PAWR: variants seen among roughly 807,000 people sequenced by gnomAD.
PAWR encodes pro-apoptotic WT1 regulator.
Under a neutral mutation model 32.0 loss-of-function variants are expected in PAWR, and 23 were observed. The observed-to-expected ratio is 0.72, with a 90% CI of 0.52 to 1.02. PAWR has a LOEUF of 1.02. Among genes scored for constraint, PAWR ranks in the 50% least tolerant of loss-of-function variants. PAWR has a pLI of 0.00. For missense variants in PAWR, 457 were observed against 437.7 expected (o/e 1.04, Z -0.39); for synonymous variants, 226 against 187.1 (o/e 1.21, Z -1.70).
At chr12:79,647,693 T>C (rs1463500400) in intron 2 of PAWR, among the ~76,000 whole-genome samples, 1 of 152,162 alleles carries the variant, frequency 6.6e-6, no homozygotes, top group East Asian at 1.9e-4. Context: ...AGATTAAAAA[T>C]CTAAGATTCA....
chr12:79,664,020 C>A (rs1190951744), intron 2 of PAWR, among the ~76,000 whole-genome samples: 2 of 151,934 alleles, frequency 1.3e-5, no homozygotes, highest in Non-Finnish European at 2.9e-5. Flanking sequence ...TGCCAATGTG[C>A]CAATGGGAGA....
chr12:79,625,904 C>T (rs1875279504), intron 2 of PAWR, among the ~76,000 whole-genome samples: 1 of 151,714 alleles, frequency 6.6e-6, no homozygotes, highest in South Asian at 2.1e-4. Context: ...ATGGGCCGGG[C>T]ACAGTGGTTC....
chr12:79,632,344 TATATATATATATA>T (rs1875727240), intron 2 of PAWR, among the ~76,000 whole-genome samples: 6 of 63,934 alleles, frequency 9.4e-5, no homozygotes, highest in South Asian at 4.4e-4. Flanking sequence ...TATATATATA[TATATATATATATA>T]TATATTTTTT....
In PAWR at chr12:79,621,159, G is replaced by A. The variant is rs1329211453; in HGVS notation, c.565C>T (p.Arg189Ter). Residue 189 changes from arginine to a stop codon, truncating the protein, a stop_gained, in exon 3 of 7, where the codon CGA becomes TGA. Coordinates refer to ENST00000328827, the MANE Select transcript of PAWR (RefSeq NM_002583.4). LOFTEE classifies it high-confidence loss of function. ...DDEAGQKERK[R>*]EDAITQQNTI... ...TTCTGTTGTGTAATTGCATCTTCTC[G>A]TTTCCGCTCTTTCTGCCCTGCTTCA... The A allele has an allele frequency of 1.2e-6, 2 of 1,611,022 alleles. No homozygotes were observed. The highest frequency in any genetic ancestry group is 1.7e-6 in the Non-Finnish European group (2 of 1,178,510).
intron 2 of PAWR, among the ~76,000 whole-genome samples, chr12:79,671,071 T>G (rs933675594): frequency 3.4e-5 from 5 of 149,132 alleles, no homozygotes; most frequent in African/African-American, 1.2e-4. Flanking sequence ...GGAGAATTGC[T>G]TAAGCCTAGG....
intron 2 of PAWR, among the ~76,000 whole-genome samples, chr12:79,623,700 G>A (rs1261330666): frequency 1.3e-5 from 2 of 151,990 alleles, no homozygotes; most frequent in Non-Finnish European, 2.9e-5. Flanking sequence ...GGTGTCAACA[G>A]TCTCTTAACA....
chr12:79,593,187 A>G (rs1308210913), intron 6 of PAWR, among the ~76,000 whole-genome samples: 3 of 152,006 alleles, frequency 2.0e-5, no homozygotes, highest in Admixed American at 6.6e-5. Context: ...TGGGGATAAC[A>G]CTCTGGAGAG....
chr12:79,611,881 A>G lies in PAWR; in HGVS notation c.683+1694T>C, dbSNP rs76860336. On this transcript the variant is annotated intron_variant, in intron 4 of 6. Transcript: ENST00000328827. Reference sequence around the variant, plus strand: ...ATTTAACACAATGACATGTAAATAAAGCTTTTGATAGGATTTATAAAATTA... The same window carrying G: ...ATTTAACACAATGACATGTAAATAAGGCTTTTGATAGGATTTATAAAATTA... Among the ~76,000 whole-genome samples, 1,508 of 152,246 alleles carry G rather than the reference A, an allele frequency of 9.9e-3. 17 individuals are homozygous for G. The highest frequency in any genetic ancestry group is 0.034 in the African/African-American group (1,432 of 41,566).
chr12:79,667,430 A>AT (rs1050072033), intron 2 of PAWR, among the ~76,000 whole-genome samples: 1 of 152,242 alleles, frequency 6.6e-6, no homozygotes, highest in Non-Finnish European at 1.5e-5. Flanking sequence ...ACAAGATTAC[A>AT]TTAAACAAGA....
chr12:79,652,042 T>C (rs1271106109), intron 2 of PAWR, among the ~76,000 whole-genome samples: 1 of 151,458 alleles, frequency 6.6e-6, no homozygotes, highest in East Asian at 1.9e-4. Flanking sequence ...GTACCTAGAG[T>C]AGTCAAATTA....
chr12:79,640,874 G>A (rs1377253593), intron 2 of PAWR, among the ~76,000 whole-genome samples: 1 of 152,220 alleles, frequency 6.6e-6, no homozygotes, highest in Admixed American at 6.5e-5. Flanking sequence ...ATAATAGTTT[G>A]ATGCGTAAGG....
chr12:79,671,566 A>G (rs1038092437), intron 2 of PAWR, among the ~76,000 whole-genome samples: 2 of 152,304 alleles, frequency 1.3e-5, no homozygotes, highest in African/African-American at 2.4e-5. Flanking sequence ...TTCTCCATCT[A>G]TTAATATGAG....
At chr12:79,623,169 T>C (rs1462315605) in intron 2 of PAWR, among the ~76,000 whole-genome samples, 1 of 152,100 alleles carries the variant, frequency 6.6e-6, no homozygotes, top group African/African-American at 2.4e-5. Flanking sequence ...TGATATATCA[T>C]AGGTGGAAAC....
At chr12:79,629,817 T>G (rs1246281604) in intron 2 of PAWR, among the ~76,000 whole-genome samples, 2 of 152,094 alleles carry the variant, frequency 1.3e-5, no homozygotes, top group Non-Finnish European at 2.9e-5. Flanking sequence ...CAATTAAACT[T>G]AAAATCAGTA....
chr12:79,609,369 T>C (rs1874334301), intron 4 of PAWR, among the ~76,000 whole-genome samples: 1 of 152,136 alleles, frequency 6.6e-6, no homozygotes, highest in Non-Finnish European at 1.5e-5. Flanking sequence ...ATGGAAGTGA[T>C]AGGGACAGGA....
At chr12:79,593,015 A>G (rs549717073) in intron 6 of PAWR, among the ~76,000 whole-genome samples, 1 of 152,088 alleles carries the variant, frequency 6.6e-6, no homozygotes, top group South Asian at 2.1e-4. Context: ...AACAAACTCC[A>G]CTTCCCCTCC....
intron 2 of PAWR, among the ~76,000 whole-genome samples, chr12:79,661,959 T>C (rs1213513196): frequency 6.6e-6 from 1 of 152,114 alleles, no homozygotes; most frequent in Non-Finnish European, 1.5e-5. Context: ...GTTGCCACTT[T>C]AATAAATGAT....
intron 2 of PAWR, among the ~76,000 whole-genome samples, chr12:79,641,994 G>C (rs546603438): frequency 6.7e-6 from 1 of 150,272 alleles, no homozygotes; most frequent in African/African-American, 2.4e-5. Context: ...TGTAAAAAAT[G>C]TATTTCATTC....
At chr12:79,676,411 C>T (rs905814799) in intron 2 of PAWR, among the ~76,000 whole-genome samples, 9 of 152,000 alleles carry the variant, frequency 5.9e-5, no homozygotes, top group Non-Finnish European at 1.3e-4. Flanking sequence ...CTATGTACTC[C>T]AACTGAAGAC....
Sources: gnomAD v4.1 joint callset for allele counts (sites outside exome capture counted in the v4.1 genomes callset) on GRCh38, gnomAD v4.1.1 for gene constraint, MANE v1.5 for transcripts, NCBI Gene and HGNC (gene_info 2026-07-23, HGNC 2026-07-21) for gene names.